Variants in IDE observed in about 807,000 individuals in gnomAD.
IDE encodes the protein insulin degrading enzyme, also known as insulin-degrading enzyme.
Under a neutral mutation model 133.2 loss-of-function variants are expected in IDE, and 58 were observed. That is an observed-to-expected ratio of 0.44 (90% confidence interval 0.35 to 0.54). The LOEUF (loss-of-function observed/expected upper bound fraction) is 0.54, where lower values mean the gene tolerates loss of function less well. Ranked by LOEUF, IDE falls within the 20% of genes least tolerant of loss-of-function variation. IDE has a pLI of 0.00. For missense variants in IDE, 981 were observed against 1,234.0 expected (o/e 0.79, Z 3.07); for synonymous variants, 396 against 421.3 (o/e 0.94, Z 0.73).
At chr10:92,538,780 A>C (rs1269049103) in intron 1 of IDE, among the ~76,000 whole-genome samples, 19 of 151,146 alleles carry the variant, frequency 1.3e-4, no homozygotes, top group Admixed American at 2.6e-4. Flanking sequence ...TTAATAGACA[A>C]AAAAAAAAAA....
chr10:92,467,410 G>T (rs1207862195), intron 19 of IDE, among the ~76,000 whole-genome samples: 1 of 152,128 alleles, frequency 6.6e-6, no homozygotes, highest in Non-Finnish European at 1.5e-5. Flanking sequence ...CCTTTCCATG[G>T]AGAGTTAAGT....
chr10:92,517,565 G>A (rs928827152), intron 4 of IDE, among the ~76,000 whole-genome samples: 2 of 152,030 alleles, frequency 1.3e-5, no homozygotes, highest in African/African-American at 2.4e-5. Flanking sequence ...TTACCATCAC[G>A]TCCAGCTATT....
intron 1 of IDE, among the ~76,000 whole-genome samples, chr10:92,539,127 A>T (rs1842170913): frequency 6.6e-6 from 1 of 152,128 alleles, no homozygotes; most frequent in Non-Finnish European, 1.5e-5. Flanking sequence ...TCCAATCTGC[A>T]TAACAATTGA....
chr10:92,561,837 T>C (rs1396983774), intron 1 of IDE, among the ~76,000 whole-genome samples: 1 of 152,220 alleles, frequency 6.6e-6, no homozygotes, highest in Non-Finnish European at 1.5e-5. Context: ...TAGTCCTGAT[T>C]ACACAATCAT....
At chr10:92,518,044 G>A (rs950550410) in intron 4 of IDE, among the ~76,000 whole-genome samples, 3 of 151,864 alleles carry the variant, frequency 2.0e-5, no homozygotes, top group Non-Finnish European at 4.4e-5. Flanking sequence ...GCTCTTAGGT[G>A]CATACCCATA....
chr10:92,535,929 G>C (rs1841975168), intron 2 of IDE, among the ~76,000 whole-genome samples: 1 of 151,894 alleles, frequency 6.6e-6, no homozygotes, highest in Non-Finnish European at 1.5e-5. Flanking sequence ...CCAGCTACTA[G>C]GGAGGCTGAG....
intron 13 of IDE, among the ~76,000 whole-genome samples, chr10:92,485,125 C>CTTTCTTT (rs371286432): frequency 9.9e-6 from 1 of 100,860 alleles, no homozygotes; most frequent in Non-Finnish European, 1.9e-5. Context: ...TTCTTTCTTT[C>CTTTCTTT]TTTTTTTTTT....
chr10:92,498,478 G>A (rs560119227), intron 11 of IDE, among the ~76,000 whole-genome samples: 7 of 152,236 alleles, frequency 4.6e-5, no homozygotes, highest in Admixed American at 3.9e-4. Flanking sequence ...AATACAGGCC[G>A]GGCATGGTGG....
chr10:92,490,170 T>C (rs961519417), intron 12 of IDE, among the ~76,000 whole-genome samples: 2 of 152,220 alleles, frequency 1.3e-5, no homozygotes, highest in African/African-American at 4.8e-5. Context: ...AGCCCTTGCA[T>C]TGGTTTCTCA....
intron 23 of IDE, 31 bp from the exon 24 acceptor site, chr10:92,455,674 T>C: frequency 8.4e-7 from 1 of 1,187,748 alleles, no homozygotes; most frequent in Non-Finnish European, 1.2e-6. Flanking sequence ...TAATACTTTG[T>C]ACTTATTGAT....
chr10:92,469,763 T>C (rs537000613), intron 18 of IDE, among the ~76,000 whole-genome samples: 7 of 152,224 alleles, frequency 4.6e-5, no homozygotes, highest in Non-Finnish European at 1.0e-4. Context: ...TTTGTAGTGC[T>C]TTCCATGTGC....
At chr10:92,569,246 T>C (rs537188231) in intron 1 of IDE, among the ~76,000 whole-genome samples, 4 of 41,746 alleles carry the variant, frequency 9.6e-5, no homozygotes, top group African/African-American at 5.5e-4. Context: ...GGCTGAAAAG[T>C]TGGGCTAAGC....
chr10:92,548,085 C>T (rs1307062825), intron 1 of IDE, among the ~76,000 whole-genome samples: 2 of 152,042 alleles, frequency 1.3e-5, no homozygotes, highest in Non-Finnish European at 2.9e-5. Context: ...TGAGGCCAGG[C>T]GCGATGGCTC....
intron 21 of IDE, 82 bp downstream of exon 21, chr10:92,463,648 CA>C: frequency 7.6e-7 from 1 of 1,307,570 alleles, no homozygotes; most frequent in Non-Finnish European, 1.1e-6. Flanking sequence ...ATATCACCTA[CA>C]AAATGAATAC....
At chr10:92,573,592 G>A (rs1404217582) in intron 1 of IDE, among the ~76,000 whole-genome samples, 3 of 152,240 alleles carry the variant, frequency 2.0e-5, no homozygotes, top group African/African-American at 7.2e-5. Context: ...ACGCGGCGCG[G>A]CTCCCAGGTG....
At chr10:92,537,070 T>C (rs1467613267) in intron 2 of IDE, among the ~76,000 whole-genome samples, 1 of 151,504 alleles carries the variant, frequency 6.6e-6, no homozygotes, top group Non-Finnish European at 1.5e-5. Flanking sequence ...AGGAATGTTA[T>C]ATTAAATGTA....
At position 92,504,868 on chromosome 10, in the gene IDE, C is replaced by T. The variant is rs201646324; in HGVS notation, c.1356G>A (p.Ala452=). 4.9e-5 allele frequency: 77 copies of T among 1,568,944 alleles called. No homozygotes were observed. In the East Asian group the frequency reaches 1.2e-3, roughly 24 times the overall value. The change falls in exon 11 of 25, where the codon GCG becomes GCA. Residue 452 remains alanine (A), a synonymous_variant. Coordinates refer to ENST00000265986, the MANE Select transcript of IDE (RefSeq NM_004969.4). ...GTCTAAATTCTTCCAGTAAATATTC[C>T]GCTGTGAGCACCTCTTCTAGGGGAT... ...HYYPLEEVLT[A]EYLLEEFRPD...
intron 4 of IDE, among the ~76,000 whole-genome samples, chr10:92,523,490 G>A (rs1256179866): frequency 1.3e-5 from 2 of 150,754 alleles, no homozygotes; most frequent in African/African-American, 4.9e-5. Flanking sequence ...AATGACCTGA[G>A]GTCAGGAATT....
At chr10:92,507,481 A>G (rs1273438414) in intron 9 of IDE, 94 bp downstream of exon 9, 1 of 764,744 alleles carries the variant, frequency 1.3e-6, no homozygotes, top group Admixed American at 2.1e-5. Context: ...AAAAACTTTA[A>G]AAGTTTAACT....
Sources: gnomAD v4.1 joint callset for allele counts (sites outside exome capture counted in the v4.1 genomes callset) on GRCh38, gnomAD v4.1.1 for gene constraint, MANE v1.5 for transcripts, NCBI Gene and HGNC (gene_info 2026-07-23, HGNC 2026-07-21) for gene names.